Variants in BARD1 observed in about 807,000 individuals in gnomAD.
BARD1 encodes the protein BRCA1-associated RING domain protein 1.
Under a neutral mutation model 77.0 loss-of-function variants are expected in BARD1, and 73 were observed. The observed-to-expected ratio is 0.95, with a 90% CI of 0.79 to 1.15. The LOEUF is 1.15. Ranked by LOEUF, BARD1 falls within the 50% of genes most tolerant of loss-of-function variation. The pLI, the probability that BARD1 is intolerant of heterozygous loss-of-function variation, is 0.00. For synonymous variants in BARD1, 384 were observed against 338.0 expected (o/e 1.14, Z -1.49); for missense variants, 993 against 938.8 (o/e 1.06, Z -0.75).
chr2:214,754,507 GA>G (rs1693605826), intron 6 of BARD1, among the ~76,000 whole-genome samples: 1 of 151,942 alleles, frequency 6.6e-6, no homozygotes, highest in African/African-American at 2.4e-5. Flanking sequence ...ACACATATTT[GA>G]AAAAAAGTGC....
rs1553622329 is a variant in BARD1 at position 214,780,926 on chromosome 2, T to C, written c.948A>G (p.Leu316=). 1 of 1,614,062 alleles carries C rather than the reference T, an allele frequency of 6.2e-7. No homozygotes were observed. The highest frequency in any genetic ancestry group is 8.5e-7 in the Non-Finnish European group (1 of 1,179,974). The change falls in exon 4 of 11, where the codon TTA becomes TTG. Residue 316 remains leucine (L), a synonymous_variant. Coordinates refer to ENST00000260947, the MANE Select transcript of BARD1 (RefSeq NM_000465.4). ...NYLTSKKSLP[L]ENNGKRGHHN... ...GATGGCCACGTTTTCCATTATTTTC[T>C]AATGGCAAAGATTTCTTAGATGTAA...
intron 6 of BARD1, among the ~76,000 whole-genome samples, chr2:214,753,696 A>G (rs1435709134): frequency 1.3e-5 from 2 of 152,180 alleles, no homozygotes; most frequent in Non-Finnish European, 2.9e-5. Context: ...TACTGAGTTC[A>G]CAGACAAGGT....
intron 4 of BARD1, among the ~76,000 whole-genome samples, chr2:214,773,015 G>T (rs2106090806): frequency 6.6e-6 from 1 of 152,238 alleles, no homozygotes; most frequent in East Asian, 1.9e-4. Context: ...AATTTTAAAT[G>T]AATTTGGTAT....
intron 3 of BARD1, among the ~76,000 whole-genome samples, chr2:214,783,671 T>C (rs575847277): frequency 3.3e-5 from 5 of 151,920 alleles, no homozygotes; most frequent in South Asian, 4.1e-4. Context: ...GTGACATAGA[T>C]ATATAGACCA....
Position 214,768,271 on chromosome 2 carries a change from A to G in BARD1, c.1396-617T>C, listed in dbSNP as rs74531776. Among the ~76,000 whole-genome samples the G allele has an allele frequency of 9.9e-3, 1,430 of 145,174 alleles. 19 individuals carry two copies. The highest frequency in any genetic ancestry group is 0.034 in the African/African-American group (1,352 of 39,548). ...TATAAACAATGCTGTATTCTAATAA[A>G]TCTCTGGCATTCTATACTTTTTAAG... is the stretch of plus-strand genomic sequence containing the variant. On this transcript the variant is annotated intron_variant, in intron 5 of 10. Coordinates refer to ENST00000260947, the MANE Select transcript of BARD1 (RefSeq NM_000465.4).
chr2:214,730,187 G>A lies in BARD1; in HGVS notation c.2001+224C>T, dbSNP rs113815630. The A allele has an allele frequency of 1.2e-3, 688 of 552,368 alleles. 4 individuals are homozygous for A. Among genetic ancestry groups the A allele is most frequent in the African/African-American group, 0.012 (617 of 52,808 alleles). The allele number at this position is 552,368 out of a possible 1,614,324, so 34.2% of individuals were successfully genotyped here. A position where few individuals can be genotyped will look rare whatever the true frequency, so the allele number is the denominator to read the frequency against. On this transcript the variant is annotated intron_variant, in intron 10 of 10. Transcript: ENST00000260947. Reference sequence around the variant, plus strand: ...TTACCTCAGATTCTGAAAGGTTTATGGCAATGTTCAAGATGCCAAAAATCC... The same window carrying A: ...TTACCTCAGATTCTGAAAGGTTTATAGCAATGTTCAAGATGCCAAAAATCC...
intron 4 of BARD1, among the ~76,000 whole-genome samples, chr2:214,772,280 A>G (rs1453445159): frequency 6.6e-6 from 1 of 152,154 alleles, no homozygotes; most frequent in African/African-American, 2.4e-5. Flanking sequence ...ACGGTTACAA[A>G]TGAATGCAGG....
intron 3 of BARD1, among the ~76,000 whole-genome samples, chr2:214,785,887 T>G (rs1389723176): frequency 6.6e-6 from 1 of 151,934 alleles, no homozygotes; most frequent in Non-Finnish European, 1.5e-5. Context: ...CCAGGCTTCT[T>G]ACAATATGTT....
chr2:214,770,392 A>T (rs915048148), intron 4 of BARD1, among the ~76,000 whole-genome samples: 3 of 152,226 alleles, frequency 2.0e-5, no homozygotes, highest in Non-Finnish European at 4.4e-5. Flanking sequence ...ATGTTATAAC[A>T]GTAGCAACAG....
chr2:214,809,264 AT>A, intron 1 of BARD1, 147 bp downstream of exon 1: 3 of 1,100,178 alleles, frequency 2.7e-6, no homozygotes, highest in Non-Finnish European at 3.9e-6. Flanking sequence ...TGTTAATACT[AT>A]ATCCCCCGGC....
intron 1 of BARD1, among the ~76,000 whole-genome samples, chr2:214,805,659 C>T (rs772996458): frequency 6.6e-6 from 1 of 152,052 alleles, no homozygotes; most frequent in Non-Finnish European, 1.5e-5. Context: ...AGGATTTGAA[C>T]CCAGGGAATC....
rs763613961 is a variant in BARD1, at chr2:214,781,053, C to T, written c.821G>A (p.Ser274Asn). The change falls in exon 4 of 11, where the codon AGT becomes AAT. Residue 274 changes from serine to asparagine, a missense_variant. Coordinates refer to ENST00000260947, the MANE Select transcript of BARD1 (RefSeq NM_000465.4). ...GSLTESECFG[S>N]LTEVSLPLAE... ...CAATGGTAAAGAGACTTCAGTTAAA[C>T]TTCCAAAACATTCAGATTCTGTCAA... 6.2e-7 allele frequency: 1 copy of T among 1,606,732 alleles called. No individual in the cohort carries two copies. Among genetic ancestry groups the T allele is most frequent in the Non-Finnish European group, 8.5e-7 (1 of 1,177,488 alleles).
At chr2:214,803,192 G>GCCTCAGGA (rs1696105115) in intron 1 of BARD1, among the ~76,000 whole-genome samples, 1 of 151,348 alleles carries the variant, frequency 6.6e-6, no homozygotes, top group African/African-American at 2.4e-5. Context: ...ACTGCGGAAG[G>GCCTCAGGA]ACCCCTGCCT....
chr2:214,763,967 A>T (rs1328613382), intron 6 of BARD1, among the ~76,000 whole-genome samples: 1 of 152,176 alleles, frequency 6.6e-6, no homozygotes. Flanking sequence ...ATGCACTTAA[A>T]AGTCAAGGCT....
At chr2:214,732,397 CT>C (rs573147676) in intron 9 of BARD1, among the ~76,000 whole-genome samples, 306 of 141,948 alleles carry the variant, frequency 2.2e-3, no homozygotes, top group Admixed American at 0.011. Flanking sequence ...ATTTTTTTTT[CT>C]TTTTTTTTTT....
At chr2:214,796,972 T>A in intron 2 of BARD1, 89 bp downstream of exon 2, 1 of 1,033,346 alleles carries the variant, frequency 9.7e-7, no homozygotes, top group South Asian at 1.3e-5. Context: ...TACACAAACA[T>A]CAAGTACCAT....
Position 214,729,391 on chromosome 2 carries a change from T to C in BARD1, c.2002-383A>G, listed in dbSNP as rs970254352. Among the ~76,000 whole-genome samples, 8 of 152,276 alleles carry C rather than the reference T, an allele frequency of 5.3e-5. No individual in the cohort carries two copies. In the South Asian group the frequency reaches 1.5e-3, roughly 28 times the overall value. On this transcript the variant is annotated intron_variant, in intron 10 of 10. Transcript: ENST00000260947. ...TGGCATCATGTCAAAGCTCAAAAAG[T>C]TTTGGATTTTGGAGCATTTTAGATG... is the stretch of plus-strand genomic sequence containing the variant.
At position 214,763,193 on chromosome 2, in the gene BARD1, C is replaced by T. The variant is rs530331099; in HGVS notation, c.1568+4289G>A. Among the ~76,000 whole-genome samples, 6 of 152,272 alleles carry T rather than the reference C, an allele frequency of 3.9e-5. No homozygotes were observed. The East Asian group carries it at 1.2e-3, about 29-fold the overall frequency. ...TATCTTTCTCAAAATCCCATCCTCCCGTTCTATTTTTTCAAAACTCGAAGT... is the reference window on the plus strand; with the variant it reads ...TATCTTTCTCAAAATCCCATCCTCCTGTTCTATTTTTTCAAAACTCGAAGT... On this transcript the variant is annotated intron_variant, in intron 6 of 10. Coordinates refer to ENST00000260947, the MANE Select transcript of BARD1 (RefSeq NM_000465.4).
In BARD1 at chr2:214,728,578, C is replaced by G; in HGVS notation, c.*98G>C. On this transcript the variant is annotated 3_prime_UTR_variant, in exon 11 of 11. Coordinates refer to ENST00000260947, the MANE Select transcript of BARD1 (RefSeq NM_000465.4). ...GATTCAAAGACAAATATGAATGACT[C>G]TACCTATTTGTAAAAATGTGAACAT... 1.9e-6 allele frequency: 2 copies of G among 1,058,770 alleles called. No individual in the cohort carries two copies. The highest frequency in any genetic ancestry group is 2.8e-6 in the Non-Finnish European group (2 of 720,264). 65.6% of individuals were successfully genotyped at this position (1,058,770 alleles called of 1,614,324 possible). A position where few individuals can be genotyped will look rare whatever the true frequency, so the allele number is the denominator to read the frequency against.
Sources: allele counts gnomAD v4.1 joint callset (sites outside exome capture counted in the v4.1 genomes callset), GRCh38; gene constraint gnomAD v4.1.1; transcripts MANE v1.5; gene names NCBI Gene and HGNC (gene_info 2026-07-23, HGNC 2026-07-21).